The following GRIK2 variants were observed in gnomAD, a reference collection of about 807,000 sequenced individuals.
The protein encoded by GRIK2 is glutamate ionotropic receptor kainate type subunit 2, also known as glutamate receptor ionotropic, kainate 2.
Under a neutral mutation model 100.3 loss-of-function variants are expected in GRIK2, and 32 were observed. The observed-to-expected ratio is 0.32, with a 90% CI of 0.24 to 0.43. The LOEUF is 0.43. Among genes scored for constraint, GRIK2 ranks in the 20% least tolerant of loss-of-function variants. The pLI is 1.00. For synonymous variants in GRIK2, 417 were observed against 389.4 expected, an observed-to-expected ratio of 1.07 and a Z score of -0.83; for missense variants, 843 against 1,114.9, an observed-to-expected ratio of 0.76 and a Z score of 3.47.
chr6:102,042,628 G>T (rs939698218), intron 15 of GRIK2, among the ~76,000 whole-genome samples: 7 of 151,408 alleles, frequency 4.6e-5, no homozygotes, highest in African/African-American at 1.5e-4. Context: ...TCAGGATAAT[G>T]ATTTAATATA....
At chr6:101,577,865 A>T (rs1462722633) in intron 2 of GRIK2, among the ~76,000 whole-genome samples, 1 of 152,162 alleles carries the variant, frequency 6.6e-6, no homozygotes, top group African/African-American at 2.4e-5. Flanking sequence ...CCATTAATCT[A>T]ATGAATGAAG....
In GRIK2 at chr6:101,797,264, TTTACTCATGA is replaced by T. The variant is rs200704367; in HGVS notation, c.952-2380_952-2371del. 7.7e-3 allele frequency among the ~76,000 whole-genome samples: 1,170 copies of T among 152,126 alleles called. 7 individuals are homozygous for T. Among genetic ancestry groups the T allele is most frequent in the Non-Finnish European group, 9.8e-3 (665 of 67,992 alleles). On this transcript the variant is annotated intron_variant, in intron 7 of 16. Coordinates refer to ENST00000369134, the MANE Select transcript of GRIK2 (RefSeq NM_021956.5). ...ACTGTGGAAAATATGAAATAAAAAT[TTTACTCATGA>T]TTAATTCACAAGAGTTAAACATTAT...
At chr6:101,472,142 C>T (rs1475986180) in intron 2 of GRIK2, among the ~76,000 whole-genome samples, 1 of 151,782 alleles carries the variant, frequency 6.6e-6, no homozygotes, top group Non-Finnish European at 1.5e-5. Context: ...CGTGTCATTA[C>T]AGTTTATCTT....
chr6:101,769,978 G>A (rs1778296381), intron 7 of GRIK2, among the ~76,000 whole-genome samples: 1 of 152,146 alleles, frequency 6.6e-6, no homozygotes, highest in African/African-American at 2.4e-5. Flanking sequence ...GTAGAAATAT[G>A]TTTTTGTGTA....
intron 12 of GRIK2, among the ~76,000 whole-genome samples, chr6:101,915,341 A>C (rs1224420467): frequency 6.6e-6 from 1 of 151,388 alleles, no homozygotes; most frequent in East Asian, 1.9e-4. Context: ...GATGACTAAA[A>C]ATTTTCAGGC....
In GRIK2 at chr6:101,666,867, C is replaced by A. The variant is rs545219544; in HGVS notation, c.542-9756C>A. Among the ~76,000 whole-genome samples, 507 of 152,194 alleles carry A rather than the reference C, an allele frequency of 3.3e-3. 3 individuals are homozygous for A. Among genetic ancestry groups the A allele is most frequent in the Non-Finnish European group, 6.1e-3 (417 of 68,020 alleles). ...TAGGGCCTGTTGAGACACATATATA[C>A]CATCCTGGGATCCAAAGGAAAAGCA... On this transcript the variant is annotated intron_variant, in intron 4 of 16. Transcript: ENST00000369134.
At chr6:101,526,930 A>G (rs1775186045) in intron 2 of GRIK2, among the ~76,000 whole-genome samples, 1 of 152,164 alleles carries the variant, frequency 6.6e-6, no homozygotes, top group Admixed American at 6.5e-5. Flanking sequence ...AGGAGGCAAC[A>G]CTTCTCCTAG....
chr6:102,047,616 G>A (rs1290335862), intron 15 of GRIK2, among the ~76,000 whole-genome samples: 1 of 151,914 alleles, frequency 6.6e-6, no homozygotes, highest in African/African-American at 2.4e-5. Flanking sequence ...GGGCATGGTG[G>A]TGTGAGCCTG....
chr6:101,622,021 C>G lies in GRIK2; in HGVS notation c.188C>G (p.Thr63Arg). 6.2e-7 allele frequency: 1 copy of G among 1,603,078 alleles called. No individual in the cohort carries two copies. Among genetic ancestry groups the G allele is most frequent in the Non-Finnish European group, 8.5e-7 (1 of 1,170,134 alleles). Reference protein sequence around the residue: ...EELAFRFAVNTINRNRTLLPN... With the variant: ...EELAFRFAVNRINRNRTLLPN... The stretch of plus-strand genomic sequence containing the variant: ...CTTGCATTCAGATTTGCTGTGAACA[C>G]AATTAACAGAAACAGAACATTGCTA... The change falls in exon 3 of 17, where the codon ACA becomes AGA. Residue 63 changes from threonine to arginine, a missense_variant. Physicochemically the swap from Thr to Arg is moderately conservative, Grantham distance 71. This residue lies in a region of GRIK2 where 519 missense variants were observed against 643.8 expected (regional missense o/e 0.81). Transcript: ENST00000369134.
intron 14 of GRIK2, among the ~76,000 whole-genome samples, chr6:101,930,836 T>A (rs1269364164): frequency 1.3e-5 from 2 of 152,102 alleles, no homozygotes; most frequent in Non-Finnish European, 2.9e-5. Flanking sequence ...TTTTATCTCT[T>A]GTTTTTCTCT....
intron 16 of GRIK2, among the ~76,000 whole-genome samples, chr6:102,058,907 G>A (rs903821304): frequency 6.6e-6 from 1 of 151,292 alleles, no homozygotes. Flanking sequence ...TTAGCTGAAT[G>A]TGAACTTTGT....
chr6:101,781,427 A>T (rs2128401996), intron 7 of GRIK2, among the ~76,000 whole-genome samples: 1 of 152,272 alleles, frequency 6.6e-6, no homozygotes, highest in African/African-American at 2.4e-5. Context: ...ATTTGTAGAG[A>T]TATGTATTTG....
At chr6:101,950,240 TCTCC>T (rs1261887594) in intron 14 of GRIK2, among the ~76,000 whole-genome samples, 2 of 152,102 alleles carry the variant, frequency 1.3e-5, no homozygotes, top group African/African-American at 4.8e-5. Context: ...TAAAATCTCT[TCTCC>T]CTCTAAGTTA....
chr6:101,975,793 G>GTCTATCTATCTGTCTGTCTA (rs1450931270), intron 14 of GRIK2, among the ~76,000 whole-genome samples: 39 of 96,974 alleles, frequency 4.0e-4, no homozygotes, highest in Non-Finnish European at 5.1e-4. Flanking sequence ...CTGTCTGTCT[G>GTCTATCTATCTGTCTGTCTA]TCTATCTATC....
intron 4 of GRIK2, among the ~76,000 whole-genome samples, chr6:101,635,135 A>T (rs748108830): frequency 2.6e-5 from 4 of 152,124 alleles, no homozygotes; most frequent in African/African-American, 7.2e-5. Flanking sequence ...TGGATCTCAG[A>T]TGATTATATG....
At chr6:101,901,020 C>A (rs1787814013) in intron 12 of GRIK2, among the ~76,000 whole-genome samples, 1 of 151,850 alleles carries the variant, frequency 6.6e-6, no homozygotes, top group Non-Finnish European at 1.5e-5. Context: ...GGATTTACTG[C>A]TATTAAAATC....
At chr6:101,748,369 G>T (rs17062446) in intron 7 of GRIK2, among the ~76,000 whole-genome samples, 5,772 of 151,986 alleles carry the variant, frequency 0.038, 204 homozygotes, top group East Asian at 0.12. Flanking sequence ...TTTGTATTCT[G>T]GGAGTTAATC....
intron 2 of GRIK2, among the ~76,000 whole-genome samples, chr6:101,452,960 CTT>C (rs1310807830): frequency 6.6e-6 from 1 of 151,688 alleles, no homozygotes; most frequent in Non-Finnish European, 1.5e-5. Flanking sequence ...TTTTCAGTAA[CTT>C]TGCATCTTTC....
At chr6:101,686,891 GA>G (rs1024131882) in intron 7 of GRIK2, among the ~76,000 whole-genome samples, 138 of 152,098 alleles carry the variant, frequency 9.1e-4, no homozygotes, top group Non-Finnish European at 5.2e-4. Context: ...AACTATGAAA[GA>G]AGGGTATATT....
Sources: allele counts gnomAD v4.1 joint callset (sites outside exome capture counted in the v4.1 genomes callset), GRCh38; gene constraint gnomAD v4.1.1; regional missense constraint gnomAD v4.1.1; transcripts MANE v1.5; gene names NCBI Gene and HGNC (gene_info 2026-07-23, HGNC 2026-07-21).